Variants in AGTPBP1 observed in about 807,000 individuals in gnomAD.
AGTPBP1 encodes the protein ATP/GTP binding carboxypeptidase 1.
AGTPBP1 carries 70 observed loss-of-function variants against 143.9 expected under a neutral mutation model. That is an observed-to-expected ratio of 0.49 (90% CI 0.40 to 0.59). The LOEUF is 0.59. Ranked by LOEUF, AGTPBP1 falls within the 20% of genes least tolerant of loss-of-function variation. AGTPBP1 has a pLI of 0.00. For missense variants in AGTPBP1, 1,229 were observed against 1,464.5 expected (o/e 0.84, Z 2.62); for synonymous variants, 463 against 500.2 (o/e 0.93, Z 0.99).
chr9:85,551,798 GA>G (rs1290529936), intron 25 of AGTPBP1, among the ~76,000 whole-genome samples: 1 of 151,230 alleles, frequency 6.6e-6, no homozygotes, highest in Non-Finnish European at 1.5e-5. Context: ...AACCTTCACT[GA>G]AAAAAAAGAC....
intron 14 of AGTPBP1, among the ~76,000 whole-genome samples, chr9:85,622,545 T>G (rs534806573): frequency 6.6e-6 from 1 of 152,200 alleles, no homozygotes; most frequent in Non-Finnish European, 1.5e-5. Flanking sequence ...AAAAGTATAA[T>G]GCTAAAACTA....
At chr9:85,580,397 T>C (rs1293773094) in intron 23 of AGTPBP1, among the ~76,000 whole-genome samples, 2 of 148,620 alleles carry the variant, frequency 1.3e-5, no homozygotes, top group Admixed American at 6.7e-5. Context: ...CATTCTAAAG[T>C]TTTTTTTTTG....
chr9:85,575,671 T>C (rs999880617), intron 24 of AGTPBP1, among the ~76,000 whole-genome samples, 196 bp from the exon 25 acceptor site: 18 of 152,212 alleles, frequency 1.2e-4, no homozygotes, highest in Non-Finnish European at 7.4e-5. Context: ...GAAACTGTCC[T>C]AAAAGACAAT....
At chr9:85,736,608 T>C (rs1394692661) in intron 1 of AGTPBP1, among the ~76,000 whole-genome samples, 2 of 152,176 alleles carry the variant, frequency 1.3e-5, no homozygotes, top group African/African-American at 4.8e-5. Flanking sequence ...CACTACCACT[T>C]CACTTCTTAA....
intron 23 of AGTPBP1, among the ~76,000 whole-genome samples, chr9:85,585,030 GAAC>G (rs1267389195): frequency 6.6e-6 from 1 of 152,016 alleles, no homozygotes; most frequent in Non-Finnish European, 1.5e-5. Flanking sequence ...ATTTTTAAAA[GAAC>G]AAGAAAGGAA....
intron 25 of AGTPBP1, among the ~76,000 whole-genome samples, chr9:85,556,135 G>A (rs1282577294): frequency 6.6e-6 from 1 of 151,922 alleles, no homozygotes; most frequent in Admixed American, 6.6e-5. Context: ...GAACCTAGAA[G>A]TTTAAAAAAT....
chr9:85,691,126 C>T (rs537988057), intron 3 of AGTPBP1, among the ~76,000 whole-genome samples: 60 of 152,170 alleles, frequency 3.9e-4, no homozygotes, highest in Admixed American at 5.9e-4. Flanking sequence ...ACTGATATAA[C>T]GAACACCCTT....
intron 1 of AGTPBP1, among the ~76,000 whole-genome samples, chr9:85,713,601 T>C (rs1246488327): frequency 3.9e-5 from 6 of 152,204 alleles, no homozygotes; most frequent in Non-Finnish European, 7.3e-5. Context: ...AGTAATGTCA[T>C]ATTTAAAGAG....
rs187213788 is a variant in AGTPBP1 at position 85,607,219 on chromosome 9, T to G, written c.2336-10770A>C. Among the ~76,000 whole-genome samples, 395 of 152,156 alleles carry G rather than the reference T, an allele frequency of 2.6e-3. 2 individuals are homozygous for G. The highest frequency in any genetic ancestry group is 8.2e-3 in the African/African-American group (340 of 41,566). Reference sequence around the variant, plus strand: ...ATTTTTAAAAGTTAACTATATAAAGTAGTGAAAGGTTCAAGTTAAGGTCAA... The same window carrying G: ...ATTTTTAAAAGTTAACTATATAAAGGAGTGAAAGGTTCAAGTTAAGGTCAA... On this transcript the variant is annotated intron_variant, in intron 17 of 25. Transcript: ENST00000357081.
intron 1 of AGTPBP1, among the ~76,000 whole-genome samples, chr9:85,729,965 A>G (rs1222006384): frequency 6.6e-6 from 1 of 152,222 alleles, no homozygotes; most frequent in Non-Finnish European, 1.5e-5. Flanking sequence ...GCACACCAGA[A>G]CAGGCCCAAC....
chr9:85,652,642 C>T (rs1046075251), intron 11 of AGTPBP1, among the ~76,000 whole-genome samples: 7 of 152,172 alleles, frequency 4.6e-5, no homozygotes, highest in African/African-American at 1.4e-4. Flanking sequence ...CTCTATGCAT[C>T]GCTTCCATTT....
intron 2 of AGTPBP1, among the ~76,000 whole-genome samples, chr9:85,708,513 A>C (rs1837162271): frequency 1.3e-5 from 2 of 152,234 alleles, no homozygotes; most frequent in Admixed American, 6.5e-5. Flanking sequence ...ATATCTAATA[A>C]AGAAAGTGAA....
chr9:85,660,760 T>C (rs1023863001), intron 9 of AGTPBP1, among the ~76,000 whole-genome samples, 176 bp downstream of exon 9: 5 of 152,158 alleles, frequency 3.3e-5, no homozygotes, highest in African/African-American at 9.6e-5. Context: ...AAACATAATA[T>C]GGTATTAGTT....
intron 13 of AGTPBP1, among the ~76,000 whole-genome samples, chr9:85,637,103 A>G (rs1039875702): frequency 4.1e-5 from 6 of 147,784 alleles, no homozygotes; most frequent in African/African-American, 1.5e-4. Context: ...GTGCAATGGC[A>G]TGATCTCAGC....
At chr9:85,578,672 G>T (rs1828047575) in intron 24 of AGTPBP1, among the ~76,000 whole-genome samples, 1 of 151,992 alleles carries the variant, frequency 6.6e-6, no homozygotes. Context: ...TAAAAATTAT[G>T]AATATAAACA....
chr9:85,798,494 G>C, the AGTPBP1 span, among the ~76,000 whole-genome samples: 984 of 151,438 alleles, frequency 6.5e-3, 15 homozygotes, highest in African/African-American at 0.023. Flanking sequence ...AGCCTCCCAA[G>C]TAGCTGGGAT....
At chr9:85,678,794 T>C (rs1376999678) in intron 4 of AGTPBP1, among the ~76,000 whole-genome samples, 1 of 152,220 alleles carries the variant, frequency 6.6e-6, no homozygotes, top group Non-Finnish European at 1.5e-5. Flanking sequence ...CCAAAGATAA[T>C]ATGCACACAT....
intron 2 of AGTPBP1, among the ~76,000 whole-genome samples, chr9:85,710,830 T>C (rs557448490): frequency 6.6e-6 from 1 of 152,284 alleles, no homozygotes; most frequent in Non-Finnish European, 1.5e-5. Context: ...TTTAGATAGT[T>C]TAGCTAATCA....
chr9:85,622,363 C>T (rs1054267918), intron 14 of AGTPBP1, among the ~76,000 whole-genome samples: 2 of 152,022 alleles, frequency 1.3e-5, no homozygotes, highest in Non-Finnish European at 2.9e-5. Flanking sequence ...GATACTTTTC[C>T]ATGATAAAAG....
Sources: gnomAD v4.1 joint callset for allele counts (sites outside exome capture counted in the v4.1 genomes callset) on GRCh38, gnomAD v4.1.1 for gene constraint, MANE v1.5 for transcripts, NCBI Gene and HGNC (gene_info 2026-07-23, HGNC 2026-07-21) for gene names.